ZYG11B: variants seen among roughly 807,000 people sequenced by gnomAD.
ZYG11B encodes protein zyg-11 homolog B.
ZYG11B carries 36 observed loss-of-function variants against 82.4 expected under a neutral mutation model. The observed-to-expected ratio is 0.44, with a 90% CI of 0.33 to 0.58. The LOEUF is 0.58. Ranked by LOEUF, ZYG11B falls within the 20% of genes least tolerant of loss-of-function variation. The pLI, the probability that ZYG11B is intolerant of heterozygous loss-of-function variation, is 0.02. For missense variants in ZYG11B, 552 were observed against 895.6 expected (o/e 0.62, Z 4.90); for synonymous variants, 303 against 312.8 (o/e 0.97, Z 0.33).
At chr1:52,731,167 G>A (rs1267258928) in intron 1 of ZYG11B, among the ~76,000 whole-genome samples, 1 of 151,896 alleles carries the variant, frequency 6.6e-6, no homozygotes, top group East Asian at 1.9e-4. Flanking sequence ...CAGCTACTCG[G>A]GAGGCTGAGG....
chr1:52,756,567 C>G lies in ZYG11B; in HGVS notation c.140C>G (p.Pro47Arg), dbSNP rs775554833. The change falls in exon 2 of 14, where the codon CCT becomes CGT. Residue 47 changes from proline to arginine, a missense_variant. Around this residue, in one of 3 missense-constraint regions of ZYG11B, gnomAD observed 359 missense variants for 555.8 expected, o/e 0.65. Coordinates refer to ENST00000294353, the MANE Select transcript of ZYG11B (RefSeq NM_024646.3). Reference protein sequence around the residue: ...RQDGTLCLQEPGVFPQEVADR... With the variant: ...RQDGTLCLQERGVFPQEVADR... ...GATGGAACATTGTGTCTGCAGGAAC[C>G]TGGAGTATTCCCACAGGAGGTGGCT... 1.2e-6 allele frequency: 2 copies of G among 1,614,018 alleles called. No homozygotes were observed. The highest frequency in any genetic ancestry group is 1.7e-6 in the Non-Finnish European group (2 of 1,180,018).
intron 3 of ZYG11B, among the ~76,000 whole-genome samples, chr1:52,774,609 ATTT>A (rs35043109): frequency 9.0e-6 from 1 of 111,148 alleles, no homozygotes; most frequent in Non-Finnish European, 1.7e-5. Context: ...GCCTGGCCTA[ATTT>A]TTTTTTTTTT....
intron 6 of ZYG11B, among the ~76,000 whole-genome samples, chr1:52,791,809 AG>A (rs1191030258): frequency 6.6e-6 from 1 of 152,208 alleles, no homozygotes; most frequent in East Asian, 1.9e-4. Context: ...TATCTCATGT[AG>A]ATTGCTAATT....
intron 3 of ZYG11B, among the ~76,000 whole-genome samples, chr1:52,772,913 G>A (rs568818175): frequency 2.0e-5 from 3 of 151,960 alleles, no homozygotes; most frequent in African/African-American, 4.8e-5. Context: ...TCCTGACCTC[G>A]TAATCTGCCC....
chr1:52,733,496 A>G (rs1485150067), intron 1 of ZYG11B, among the ~76,000 whole-genome samples: 1 of 152,144 alleles, frequency 6.6e-6, no homozygotes. Flanking sequence ...CAAGATAGTG[A>G]GACCCTATCT....
At chr1:52,802,551 A>G (rs1455870167) in intron 10 of ZYG11B, among the ~76,000 whole-genome samples, 1 of 151,468 alleles carries the variant, frequency 6.6e-6, no homozygotes, top group African/African-American at 2.4e-5. Context: ...GGGTTTTGCC[A>G]TGTTGCCCAG....
At chr1:52,759,124 G>T (rs113803556) in intron 2 of ZYG11B, among the ~76,000 whole-genome samples, 44 of 152,142 alleles carry the variant, frequency 2.9e-4, no homozygotes, top group African/African-American at 9.9e-4. Flanking sequence ...TAGAGACGGG[G>T]TTTCACCATG....
chr1:52,799,246 G>A (rs1055089769), intron 8 of ZYG11B, among the ~76,000 whole-genome samples: 1 of 152,056 alleles, frequency 6.6e-6, no homozygotes, highest in Non-Finnish European at 1.5e-5. Context: ...CCAGCAATCT[G>A]GGAGGCCGAG....
chr1:52,792,872 C>G (rs1270585530), intron 6 of ZYG11B, among the ~76,000 whole-genome samples: 1 of 152,102 alleles, frequency 6.6e-6, no homozygotes, highest in Non-Finnish European at 1.5e-5. Context: ...CAGAGTTTCG[C>G]TCTTGTTGCC....
At chr1:52,776,229 A>AAAAAAAAAAAAAAAAAAAAAATATATAT in intron 3 of ZYG11B, among the ~76,000 whole-genome samples, 1 of 23,542 alleles carries the variant, frequency 4.2e-5, no homozygotes, top group African/African-American at 9.5e-5. Flanking sequence ...TAAAAAAAAA[A>AAAAAAAAAAAAAAAAAAAAAATATATAT]ATATATATAT....
intron 3 of ZYG11B, chr1:52,772,604 AGCC>A: frequency 7.4e-7 from 1 of 1,346,126 alleles, no homozygotes. Flanking sequence ...GATAGGGTAA[AGCC>A]GACTGGGACA....
At chr1:52,802,284 T>C (rs1645081232) in intron 10 of ZYG11B, 145 bp downstream of exon 10, 3 of 579,662 alleles carry the variant, frequency 5.2e-6, no homozygotes, top group South Asian at 3.0e-5. Flanking sequence ...CTATTCCCAA[T>C]ACCTCACCAT....
intron 13 of ZYG11B, among the ~76,000 whole-genome samples, chr1:52,820,345 G>C (rs574688260): frequency 1.3e-5 from 2 of 151,202 alleles, no homozygotes; most frequent in African/African-American, 4.9e-5. Context: ...ACTTCTATTT[G>C]TATTAAAATG....
intron 10 of ZYG11B, chr1:52,805,334 A>G: frequency 2.9e-6 from 1 of 344,384 alleles, no homozygotes; most frequent in South Asian, 2.3e-5. Context: ...TTTTTAGGAA[A>G]GCTGAGGACT....
At chr1:52,810,496 A>C (rs907057614) in intron 10 of ZYG11B, among the ~76,000 whole-genome samples, 6 of 152,098 alleles carry the variant, frequency 3.9e-5, no homozygotes, top group African/African-American at 1.4e-4. Flanking sequence ...CATTCAGTCT[A>C]CTGAGCTCTG....
At chr1:52,811,054 A>AGT (rs1645178798) in intron 10 of ZYG11B, among the ~76,000 whole-genome samples, 1 of 146,596 alleles carries the variant, frequency 6.8e-6, no homozygotes, top group African/African-American at 2.6e-5. Flanking sequence ...AAAAAAAAAG[A>AGT]GAAATTTATC....
At chr1:52,781,202 A>T (rs1644853236) in intron 4 of ZYG11B, among the ~76,000 whole-genome samples, 2 of 152,096 alleles carry the variant, frequency 1.3e-5, no homozygotes, top group African/African-American at 4.8e-5. Context: ...TTGCTTATTT[A>T]AAAAGCTTAT....
At chr1:52,790,792 T>C (rs1351544930) in intron 6 of ZYG11B, among the ~76,000 whole-genome samples, 1 of 147,904 alleles carries the variant, frequency 6.8e-6, no homozygotes, top group Admixed American at 6.7e-5. Flanking sequence ...TTTTTTTTTT[T>C]GTAACATGTC....
chr1:52,745,683 C>T (rs1644469901), intron 1 of ZYG11B, among the ~76,000 whole-genome samples: 1 of 151,292 alleles, frequency 6.6e-6, no homozygotes, highest in African/African-American at 2.4e-5. Context: ...CCTGCCTCAG[C>T]CTCCCGAGCA....
Sources: allele counts gnomAD v4.1 joint callset (sites outside exome capture counted in the v4.1 genomes callset), GRCh38; gene constraint gnomAD v4.1.1; regional missense constraint gnomAD v4.1.1; transcripts MANE v1.5; gene names NCBI Gene and HGNC (gene_info 2026-07-23, HGNC 2026-07-21).